PRKCZ: variants seen among roughly 807,000 people sequenced by gnomAD.
PRKCZ encodes protein kinase C zeta type.
PRKCZ carries 33 observed loss-of-function variants against 79.5 expected under a neutral mutation model. The observed-to-expected ratio is 0.41, with a 90% CI of 0.31 to 0.55. The LOEUF (loss-of-function observed/expected upper bound fraction) is 0.55. PRKCZ is among the 20% of genes least tolerant of loss of function. The pLI is 0.19. For synonymous variants in PRKCZ, 342 were observed against 320.9 expected (o/e 1.07, Z -0.70); for missense variants, 578 against 813.5 (o/e 0.71, Z 3.52).
At chr1:2,090,065 G>A (rs1308882683) in intron 4 of PRKCZ, among the ~76,000 whole-genome samples, 2 of 152,126 alleles carry the variant, frequency 1.3e-5, no homozygotes, top group African/African-American at 4.8e-5. Context: ...CCGTGCGGCC[G>A]TGTCCACGTT....
chr1:2,134,853 G>A (rs1318178177), intron 4 of PRKCZ: 1 of 160,778 alleles, frequency 6.2e-6, no homozygotes, highest in Non-Finnish European at 1.4e-5. Context: ...CTATCCCTGT[G>A]CGGAAAAAAA....
In PRKCZ at chr1:2,075,563, G is replaced by A. The variant is rs556070399; in HGVS notation, c.334+15972G>A. On this transcript the variant is annotated intron_variant, in intron 4 of 17. Coordinates refer to ENST00000378567, the MANE Select transcript of PRKCZ (RefSeq NM_002744.6). This position sits in a 1 kb window ranked among gnomAD's most constrained non-coding sequence, Gnocchi z 4.8. ...CATCAGTGGGGGCCCTTCTCCGACC[G>A]TCTTCCTAGACTTCAGAGCCACTGG... 6.6e-4 allele frequency among the ~76,000 whole-genome samples: 100 copies of A among 152,292 alleles called. No individual in the cohort carries two copies. The highest frequency in any genetic ancestry group is 3.4e-3 in the Middle Eastern group (1 of 294).
rs1673793808 is a variant in PRKCZ at position 2,125,953 on chromosome 1, GGA to G, written c.335-9303_335-9302del. On this transcript the variant is annotated intron_variant, in intron 4 of 17. Transcript: ENST00000378567. This position sits in a 1 kb window ranked among gnomAD's most constrained non-coding sequence, Gnocchi z 4.2. Reference sequence around the variant, plus strand: ...CCGGGGGTCCATATTGGCCACTGTGGGAGAGAGTCGGGCAGCTGAATTCCCGC... The same window carrying G: ...CCGGGGGTCCATATTGGCCACTGTGGGAGAGTCGGGCAGCTGAATTCCCGC... 6.6e-6 allele frequency among the ~76,000 whole-genome samples: 1 copy of G among 152,236 alleles called. No individual in the cohort carries two copies. The highest frequency in any genetic ancestry group is 2.4e-5 in the African/African-American group (1 of 41,474).
intron 4 of PRKCZ, among the ~76,000 whole-genome samples, chr1:2,120,839 C>CTTTTT (rs35674338): frequency 9.7e-6 from 1 of 103,098 alleles, no homozygotes; most frequent in African/African-American, 3.8e-5. Flanking sequence ...CCATTTGATT[C>CTTTTT]TTTTTTTTTT....
In PRKCZ at chr1:2,172,031, C is replaced by G. The variant is rs1023326086; in HGVS notation, c.1062-24C>G. On this transcript the variant is annotated intron_variant, in intron 11 of 17. Transcript: ENST00000378567. The surrounding 1 kb of genome is among the most constrained non-coding windows in gnomAD (Gnocchi z 7.8). ...GCAGCCTCTGGCACAGGCACTGCCC[C>G]CATGACGGCATCCCCACCCCCAGGT... 2 of 1,581,410 alleles carry G rather than the reference C, an allele frequency of 1.3e-6. No individual in the cohort carries two copies. The highest frequency in any genetic ancestry group is 1.2e-5 in the South Asian group (1 of 85,080).
At chr1:2,137,651 C>T (rs1161109278) in intron 5 of PRKCZ, among the ~76,000 whole-genome samples, 1 of 152,224 alleles carries the variant, frequency 6.6e-6, no homozygotes, top group African/African-American at 2.4e-5. Context: ...ACCCTACCCA[C>T]CCAGTGACAT....
At chr1:2,111,202 GT>G (rs1669679966) in intron 4 of PRKCZ, among the ~76,000 whole-genome samples, 1 of 152,100 alleles carries the variant, frequency 6.6e-6, no homozygotes, top group Non-Finnish European at 1.5e-5. Flanking sequence ...CTGAGCTGAG[GT>G]TACTGAGCCC....
chr1:2,103,514 A>G lies in PRKCZ; in HGVS notation c.335-31748A>G, dbSNP rs75259653. 9.6e-3 allele frequency among the ~76,000 whole-genome samples: 1,459 copies of G among 152,262 alleles called. 12 individuals are homozygous for G. The highest frequency in any genetic ancestry group is 0.015 in the Non-Finnish European group (1,007 of 68,018). On this transcript the variant is annotated intron_variant, in intron 4 of 17. Transcript: ENST00000378567. Reference sequence around the variant, plus strand: ...GGGAAAGCTGCCCCCACCCCAGCCCAAAGAAGCCCTCCAAGCTCCATCAGT... The same window carrying G: ...GGGAAAGCTGCCCCCACCCCAGCCCGAAGAAGCCCTCCAAGCTCCATCAGT...
At position 2,068,229 on chromosome 1, in the gene PRKCZ, C is replaced by T. The variant is rs200444214; in HGVS notation, c.334+8638C>T. ...ATCGCTAGGGAGGGGTGGGGCGGCC[C>T]GGCTTCGATGCGGCCATGTGGGAGG... On this transcript the variant is annotated intron_variant, in intron 4 of 17. Coordinates refer to ENST00000378567, the MANE Select transcript of PRKCZ (RefSeq NM_002744.6). Among the ~76,000 whole-genome samples, 70 of 152,340 alleles carry T rather than the reference C, an allele frequency of 4.6e-4. 1 individual carries two copies. The East Asian group carries it at 0.012, about 27-fold the overall frequency.
At chr1:2,152,261 G>A (rs1365288265) in intron 9 of PRKCZ, among the ~76,000 whole-genome samples, 8 of 152,108 alleles carry the variant, frequency 5.3e-5, no homozygotes, top group Admixed American at 3.3e-4. Flanking sequence ...GGCCGGGCGC[G>A]GTGGCTCACA....
chr1:2,142,161 C>T (rs1677473163), intron 5 of PRKCZ: 1 of 252,418 alleles, frequency 4.0e-6, no homozygotes, highest in Non-Finnish European at 7.5e-6. Context: ...ATCCAGCAGC[C>T]GAAGCGCCTC....
intron 4 of PRKCZ, among the ~76,000 whole-genome samples, chr1:2,087,073 T>A (rs1664652715): frequency 6.6e-6 from 1 of 152,072 alleles, no homozygotes; most frequent in African/African-American, 2.4e-5. Context: ...TTTTAGTGTA[T>A]TTCCCCATTC....
chr1:2,150,972 T>TGAC lies in PRKCZ; in HGVS notation c.873_875dup (p.Asp291dup). Reference sequence around the variant, plus strand: ...TGGTGAAGAAAGAGCTGGTGCATGATGACGAGGTAGGTGCCGCTTCTCATG... The same window carrying TGAC: ...TGGTGAAGAAAGAGCTGGTGCATGATGACGACGAGGTAGGTGCCGCTTCTCATG... On this transcript the variant is annotated inframe_insertion, in exon 9 of 18. Coordinates refer to ENST00000378567, the MANE Select transcript of PRKCZ (RefSeq NM_002744.6). 6.2e-7 allele frequency: 1 copy of TGAC among 1,613,562 alleles called. No homozygotes were observed. Among genetic ancestry groups the TGAC allele is most frequent in the Non-Finnish European group, 8.5e-7 (1 of 1,180,004 alleles).
Position 2,129,314 on chromosome 1 carries a change from G to T in PRKCZ, c.335-5948G>T, listed in dbSNP as rs542604284. Among the ~76,000 whole-genome samples, 5 of 152,316 alleles carry T rather than the reference G, an allele frequency of 3.3e-5. 1 individual carries two copies. In the South Asian group the frequency reaches 1.0e-3, roughly 32 times the overall value. The stretch of plus-strand genomic sequence containing the variant: ...GAGGCCCTAAGTGCAGTCTCACCTT[G>T]AGAAAAATATCAGGCCAGTCCTAAC... On this transcript the variant is annotated intron_variant, in intron 4 of 17. Transcript: ENST00000378567.
chr1:2,061,338 G>A (rs1660657424), intron 4 of PRKCZ, among the ~76,000 whole-genome samples: 1 of 151,990 alleles, frequency 6.6e-6, no homozygotes, highest in Non-Finnish European at 1.5e-5. Flanking sequence ...CTGCCCGTGT[G>A]GACAACCTGC....
At chr1:2,118,754 T>TGA (rs60809238) in intron 4 of PRKCZ, among the ~76,000 whole-genome samples, 2 of 135,964 alleles carry the variant, frequency 1.5e-5, no homozygotes, top group South Asian at 4.5e-4. Flanking sequence ...TGTGTGTGTG[T>TGA]GAGATGAGGG....
chr1:2,144,593 T>C, intron 6 of PRKCZ: 1 of 1,348,504 alleles, frequency 7.4e-7, no homozygotes, highest in Non-Finnish European at 9.6e-7. Context: ...AGGTAGGACG[T>C]GGTACGCTCT....
chr1:2,162,415 A>G (rs1682499414), intron 10 of PRKCZ, among the ~76,000 whole-genome samples: 1 of 152,232 alleles, frequency 6.6e-6, no homozygotes, highest in African/African-American at 2.4e-5. Context: ...TACAGGTGTA[A>G]GCCACTGGGC....
intron 1 of PRKCZ, among the ~76,000 whole-genome samples, chr1:2,053,342 G>A (rs996943180): frequency 3.0e-4 from 45 of 152,246 alleles, no homozygotes; most frequent in African/African-American, 9.6e-4. Flanking sequence ...CTCGTGATCC[G>A]CCCGCCTTGG....
Sources: gnomAD v4.1 joint callset for allele counts (sites outside exome capture counted in the v4.1 genomes callset) on GRCh38, gnomAD v4.1.1 for gene constraint, Gnocchi (gnomAD v3.1) non-coding constraint, MANE v1.5 for transcripts, NCBI Gene and HGNC (gene_info 2026-07-23, HGNC 2026-07-21) for gene names.